Variants in NTSR1 observed in about 807,000 individuals in gnomAD.
NTSR1 encodes the protein neurotensin receptor 1.
A neutral mutation model predicts 31.2 loss-of-function variants in NTSR1; 29 were observed. The ratio of observed to expected loss-of-function variants is 0.93; its 90% CI spans 0.69 to 1.27. NTSR1 has a LOEUF of 1.27. Ranked by LOEUF, NTSR1 falls within the 50% of genes most tolerant of loss-of-function variation. The pLI is 0.00. For synonymous variants in NTSR1, 282 were observed against 269.9 expected (o/e 1.04, Z -0.44); for missense variants, 697 against 595.4 (o/e 1.17, Z -1.78).
intron 1 of NTSR1, among the ~76,000 whole-genome samples, chr20:62,728,204 C>T (rs892085597): frequency 6.6e-6 from 1 of 152,152 alleles, no homozygotes; most frequent in Non-Finnish European, 1.5e-5. Context: ...TGCACAGGTC[C>T]CCCCGAGTCT....
At chr20:62,737,869 C>T (rs1736626376) in intron 1 of NTSR1, among the ~76,000 whole-genome samples, 1 of 150,574 alleles carries the variant, frequency 6.6e-6, no homozygotes, top group Non-Finnish European at 1.5e-5. Flanking sequence ...TCCCCACCCC[C>T]CACACCCCTG....
At chr20:62,752,549 ACGG>A (rs1225069105) in intron 1 of NTSR1, among the ~76,000 whole-genome samples, 7 of 152,190 alleles carry the variant, frequency 4.6e-5, no homozygotes, top group Non-Finnish European at 8.8e-5. Flanking sequence ...CCCTCTGGAA[ACGG>A]CAGGATCCTC....
intron 1 of NTSR1, among the ~76,000 whole-genome samples, chr20:62,753,624 G>T (rs754633607): frequency 2.0e-5 from 3 of 152,240 alleles, no homozygotes. Flanking sequence ...GCACAGGATC[G>T]AACCCGCAAG....
intron 1 of NTSR1, among the ~76,000 whole-genome samples, chr20:62,726,956 C>T (rs1306757391): frequency 6.6e-6 from 1 of 152,320 alleles, no homozygotes; most frequent in African/African-American, 2.4e-5. Flanking sequence ...GTCCTCTGAG[C>T]CCCATCTGGA....
chr20:62,735,500 T>G (rs1031836871), intron 1 of NTSR1, among the ~76,000 whole-genome samples: 1 of 152,240 alleles, frequency 6.6e-6, no homozygotes, highest in African/African-American at 2.4e-5. Context: ...CCAGCACCGC[T>G]GTGCACGCTG....
In NTSR1 at chr20:62,711,148, G is replaced by A. The variant is rs1341113915; in HGVS notation, c.714+1227G>A. On this transcript the variant is annotated intron_variant, in intron 1 of 3. Transcript: ENST00000370501. The surrounding 1 kb of genome is among the most constrained non-coding windows in gnomAD (Gnocchi z 6.4). ...TGGCCACCACCCAGGTGGGCTGGGG[G>A]GTGGAGGAGGGTAGAACTGAGCTCC... Among the ~76,000 whole-genome samples the A allele has an allele frequency of 6.6e-6, 1 of 152,134 alleles. No homozygotes were observed. Among genetic ancestry groups the A allele is most frequent in the Non-Finnish European group, 1.5e-5 (1 of 68,006 alleles).
intron 3 of NTSR1, among the ~76,000 whole-genome samples, chr20:62,759,512 C>T (rs552025033): frequency 2.4e-4 from 36 of 152,300 alleles, no homozygotes; most frequent in Middle Eastern, 3.4e-3. Flanking sequence ...CGGTGGCTCA[C>T]GCCTGTAATC....
chr20:62,736,987 C>G (rs949988906), intron 1 of NTSR1, among the ~76,000 whole-genome samples: 5 of 152,224 alleles, frequency 3.3e-5, no homozygotes, highest in Non-Finnish European at 7.4e-5. Context: ...GTGCCTGCTT[C>G]TCCCTCCACC....
chr20:62,738,194 G>A (rs778010539), intron 1 of NTSR1, among the ~76,000 whole-genome samples: 19 of 152,286 alleles, frequency 1.2e-4, no homozygotes, highest in Admixed American at 7.8e-4. Flanking sequence ...GGTGCTAGAT[G>A]GCCGGCCTGG....
At chr20:62,754,531 G>A (rs1240147180) in intron 1 of NTSR1, among the ~76,000 whole-genome samples, 154 bp from the exon 2 acceptor site, 1 of 152,142 alleles carries the variant, frequency 6.6e-6, no homozygotes, top group Non-Finnish European at 1.5e-5. Context: ...TGTCTTCCGG[G>A]CAGCCGGGAT....
At position 62,741,682 on chromosome 20, in the gene NTSR1, G is replaced by A. The variant is rs144410251; in HGVS notation, c.715-13003G>A. 6.7e-5 allele frequency among the ~76,000 whole-genome samples: 10 copies of A among 149,892 alleles called. 1 individual carries two copies. Among genetic ancestry groups the A allele is most frequent in the Admixed American group, 2.7e-4 (4 of 14,932 alleles). On this transcript the variant is annotated intron_variant, in intron 1 of 3. Transcript: ENST00000370501. This position sits in a 1 kb window ranked among gnomAD's most constrained non-coding sequence, Gnocchi z 4.3. ...GAAAAGTGCAGGGAACAGAGTGGAG[G>A]AGCCATGGACAGAGGCTGTGGGGCA...
At chr20:62,727,906 G>A (rs968450268) in intron 1 of NTSR1, among the ~76,000 whole-genome samples, 4 of 152,246 alleles carry the variant, frequency 2.6e-5, no homozygotes, top group Non-Finnish European at 5.9e-5. Context: ...CGGCGCTCCC[G>A]GCGTGGGCCG....
chr20:62,740,960 C>T (rs1465077758), intron 1 of NTSR1, among the ~76,000 whole-genome samples: 2 of 152,180 alleles, frequency 1.3e-5, no homozygotes, highest in Non-Finnish European at 2.9e-5. Context: ...ACTCGCCACC[C>T]CAGCACTGCC....
chr20:62,709,648 G>A lies in NTSR1; in HGVS notation c.441G>A (p.Leu147=), dbSNP rs1988561247. Reference sequence around the variant, plus strand: ...CCGGCTGCCGCGGCTACTACTTCCTGCGCGACGCCTGCACCTACGCCACGG... The same window carrying A: ...CCGGCTGCCGCGGCTACTACTTCCTACGCGACGCCTGCACCTACGCCACGG... ...GDAGCRGYYF[L]RDACTYATAL... Residue 147 remains leucine, a synonymous_variant, in exon 1 of 4, where the codon CTG becomes CTA. Transcript: ENST00000370501. 1.9e-6 allele frequency: 3 copies of A among 1,612,508 alleles called. No homozygotes were observed. Among genetic ancestry groups the A allele is most frequent in the Non-Finnish European group, 2.5e-6 (3 of 1,179,922 alleles).
chr20:62,750,798 G>A (rs1444078225), intron 1 of NTSR1, among the ~76,000 whole-genome samples: 7 of 152,064 alleles, frequency 4.6e-5, no homozygotes, highest in African/African-American at 7.2e-5. Context: ...GTGAGGTGAC[G>A]GATGTTTCAT....
In NTSR1 at chr20:62,760,366, G is replaced by T; in HGVS notation, c.*99G>T. 1.4e-6 allele frequency: 2 copies of T among 1,381,886 alleles called. No individual in the cohort carries two copies. Among genetic ancestry groups the T allele is most frequent in the Middle Eastern group, 2.0e-4 (1 of 4,898 alleles). 85.6% of individuals were successfully genotyped at this position (1,381,886 alleles called of 1,614,324 possible). ...ACCCGGGAGCCTTGATGGGGGTCAG[G>T]CAGAGGCCAGCCTGCACTGGAGTCT... On this transcript the variant is annotated 3_prime_UTR_variant, in exon 4 of 4. Coordinates refer to ENST00000370501, the MANE Select transcript of NTSR1 (RefSeq NM_002531.3).
At chr20:62,710,530 A>C (rs998407118) in intron 1 of NTSR1, among the ~76,000 whole-genome samples, 1 of 152,194 alleles carries the variant, frequency 6.6e-6, no homozygotes, top group Non-Finnish European at 1.5e-5. Flanking sequence ...GCTCACAGGC[A>C]CTATTATTGC....
chr20:62,712,373 G>T (rs1238162506), intron 1 of NTSR1, among the ~76,000 whole-genome samples: 2 of 152,218 alleles, frequency 1.3e-5, no homozygotes, highest in African/African-American at 2.4e-5. Flanking sequence ...CAATCAAATG[G>T]CCCCTCTTTC....
rs756812773 is a variant in NTSR1, at chr20:62,711,658, G to A, written c.714+1737G>A. Among the ~76,000 whole-genome samples, 2 of 148,908 alleles carry A rather than the reference G, an allele frequency of 1.3e-5. No homozygotes were observed. The highest frequency in any genetic ancestry group is 5.0e-5 in the African/African-American group (2 of 40,254). ...AAGGCCAGGAGCTCACCAGCCTCCT[G>A]CAGTCCTCAAAAACAAACAGCCGAA... On this transcript the variant is annotated intron_variant, in intron 1 of 3. Transcript: ENST00000370501. The surrounding 1 kb of genome is among the most constrained non-coding windows in gnomAD (Gnocchi z 6.4).
Sources: allele counts gnomAD v4.1 joint callset (sites outside exome capture counted in the v4.1 genomes callset), GRCh38; gene constraint gnomAD v4.1.1; non-coding constraint Gnocchi (gnomAD v3.1); transcripts MANE v1.5; gene names NCBI Gene and HGNC (gene_info 2026-07-23, HGNC 2026-07-21).